NASP: variants seen among roughly 807,000 people sequenced by gnomAD.
NASP encodes the protein NASP histone chaperone.
NASP carries 24 observed loss-of-function variants against 89.5 expected under a neutral mutation model. The ratio of observed to expected loss-of-function variants is 0.27; its 90% CI spans 0.19 to 0.38. The LOEUF (loss-of-function observed/expected upper bound fraction) is 0.38, where lower values mean the gene tolerates loss of function less well. Among genes scored for constraint, NASP ranks in the 10% least tolerant of loss-of-function variants. NASP has a pLI of 1.00. For missense variants in NASP, 848 were observed against 921.4 expected (o/e 0.92, Z 1.03); for synonymous variants, 306 against 324.7 (o/e 0.94, Z 0.62).
Position 45,598,058 on chromosome 1 carries a change from A to G in NASP, c.108-4197A>G, listed in dbSNP as rs77714692. ...AGTTTTTCTCTACCATTCTACTAAA[A>G]TAGTCTTGTTTATGGTCTTTAGTAC... On this transcript the variant is annotated intron_variant, in intron 2 of 14. Transcript: ENST00000350030. Among the ~76,000 whole-genome samples the G allele has an allele frequency of 3.0e-3, 455 of 152,160 alleles. 3 individuals are homozygous for G. Among genetic ancestry groups the G allele is most frequent in the East Asian group, 0.022 (112 of 5,182 alleles).
intron 13 of NASP, 49 bp downstream of exon 13, chr1:45,616,752 T>G: frequency 6.5e-7 from 1 of 1,529,040 alleles, no homozygotes; most frequent in Non-Finnish European, 9.1e-7. Context: ...CAGACTCCAT[T>G]TTTAATCCCT....
Position 45,585,474 on chromosome 1 carries a change from A to G in NASP, c.59+1269A>G, listed in dbSNP as rs74803346. 5.6e-4 allele frequency among the ~76,000 whole-genome samples: 85 copies of G among 152,254 alleles called. No homozygotes were observed. The East Asian group carries it at 0.013, about 24-fold the overall frequency. On this transcript the variant is annotated intron_variant, in intron 1 of 14. Transcript: ENST00000350030. ...CAGTGGTTCTCAAGTCACCCTGAGAATCATTTGGGAACTCATGGGAAATAC... is the reference window on the plus strand; with the variant it reads ...CAGTGGTTCTCAAGTCACCCTGAGAGTCATTTGGGAACTCATGGGAAATAC...
chr1:45,613,240 G>C lies in NASP; in HGVS notation c.1498G>C (p.Glu500Gln), dbSNP rs756421064. The change falls in exon 7 of 15, where the codon GAA becomes CAA. Residue 500 changes from glutamate to glutamine, a missense_variant. Physicochemically the swap from Glu to Gln is conservative, Grantham distance 29. This residue lies in a region of NASP where 464 missense variants were observed against 469.4 expected (regional missense o/e 0.99). Coordinates refer to ENST00000350030, the MANE Select transcript of NASP (RefSeq NM_002482.4). ...AGAAATGCCAAATGATTCAGTCCTTGAAAACAAGGTATGTTGTTAGCCACT... is the reference window on the plus strand; with the variant it reads ...AGAAATGCCAAATGATTCAGTCCTTCAAAACAAGGTATGTTGTTAGCCACT... Reference protein sequence around the residue: ...TEEMPNDSVLENKSLQENEEE... With the variant: ...TEEMPNDSVLQNKSLQENEEE... 9.6e-5 allele frequency: 154 copies of C among 1,610,586 alleles called. No individual in the cohort carries two copies. Among genetic ancestry groups the C allele is most frequent in the Non-Finnish European group, 1.3e-4 (151 of 1,178,370 alleles).
intron 2 of NASP, among the ~76,000 whole-genome samples, chr1:45,599,036 T>C (rs1039248812): frequency 6.6e-6 from 1 of 152,196 alleles, no homozygotes; most frequent in Admixed American, 6.5e-5. Context: ...ATATTCAGAA[T>C]CTAACCCTCT....
chr1:45,617,812 A>T (rs555736633), intron 14 of NASP, among the ~76,000 whole-genome samples: 1 of 152,334 alleles, frequency 6.6e-6, no homozygotes, highest in African/African-American at 2.4e-5. Context: ...TCCCTCGATG[A>T]ATATATGAGA....
At chr1:45,607,253 G>T in intron 5 of NASP, 68 bp from the exon 6 acceptor site, 1 of 1,496,688 alleles carries the variant, frequency 6.7e-7, no homozygotes, top group Admixed American at 2.0e-5. Flanking sequence ...TGTATTTTTA[G>T]TTTCCATTTA....
At chr1:45,597,493 C>G (rs553961577) in intron 2 of NASP, among the ~76,000 whole-genome samples, 1 of 152,116 alleles carries the variant, frequency 6.6e-6, no homozygotes, top group African/African-American at 2.4e-5. Flanking sequence ...AAATCCTGTT[C>G]TCTTCTACTA....
At chr1:45,598,701 A>T (rs1643758902) in intron 2 of NASP, among the ~76,000 whole-genome samples, 2 of 152,324 alleles carry the variant, frequency 1.3e-5, no homozygotes, top group Middle Eastern at 3.4e-3. Context: ...TAAATACTGT[A>T]CAGTAATTGA....
At chr1:45,599,595 C>T (rs1459722585) in intron 2 of NASP, among the ~76,000 whole-genome samples, 4 of 151,832 alleles carry the variant, frequency 2.6e-5, no homozygotes, top group Non-Finnish European at 5.9e-5. Context: ...GCCCGGCTAA[C>T]TTTTGTATTT....
intron 4 of NASP, chr1:45,605,797 A>C (rs1181493798): frequency 1.5e-5 from 2 of 133,588 alleles, no homozygotes; most frequent in African/African-American, 5.9e-5. Context: ...TTTTTTTAAG[A>C]CGGAGTTTCA....
At chr1:45,597,092 TGAGGTCA>T (rs1317491367) in intron 2 of NASP, among the ~76,000 whole-genome samples, 1 of 152,150 alleles carries the variant, frequency 6.6e-6, no homozygotes, top group African/African-American at 2.4e-5. Context: ...GCGGATCACT[TGAGGTCA>T]GGAGTTTGAG....
In NASP at chr1:45,599,801, T is replaced by A. The variant is rs1018115305; in HGVS notation, c.108-2454T>A. ...CTTAAAGTCTATACTAATGTGATGCTGCTCTCTCCCTCTTCCTCACCTTTA... is the reference window on the plus strand; with the variant it reads ...CTTAAAGTCTATACTAATGTGATGCAGCTCTCTCCCTCTTCCTCACCTTTA... On this transcript the variant is annotated intron_variant, in intron 2 of 14. Transcript: ENST00000350030. 2.6e-5 allele frequency among the ~76,000 whole-genome samples: 4 copies of A among 152,330 alleles called. No individual in the cohort carries two copies. In the South Asian group the frequency reaches 6.2e-4, roughly 24 times the overall value.
intron 2 of NASP, among the ~76,000 whole-genome samples, chr1:45,599,615 A>G (rs1018213733): frequency 3.3e-5 from 5 of 150,998 alleles, no homozygotes; most frequent in African/African-American, 1.2e-4. Flanking sequence ...TTCAGAAGAG[A>G]GGGGGGTTTC....
At chr1:45,612,939 T>G in intron 6 of NASP, 1 of 405,474 alleles carries the variant, frequency 2.5e-6, no homozygotes, top group Non-Finnish European at 4.1e-6. Flanking sequence ...CACTCAGCCT[T>G]TTAATTGCTG....
At chr1:45,614,959 G>C in intron 9 of NASP, 54 bp from the exon 10 acceptor site, 1 of 1,477,388 alleles carries the variant, frequency 6.8e-7, no homozygotes, top group South Asian at 1.3e-5. Flanking sequence ...AATTCTGGAA[G>C]TATTTTATGT....
At chr1:45,602,862 G>A (rs945288099) in intron 3 of NASP, among the ~76,000 whole-genome samples, 3 of 152,136 alleles carry the variant, frequency 2.0e-5, no homozygotes, top group African/African-American at 7.2e-5. Context: ...GGGCTTAAGC[G>A]ATTCGTCCAC....
chr1:45,618,378 A>G lies in NASP; in HGVS notation c.*237A>G, dbSNP rs982400816. 1.0e-5 allele frequency: 4 copies of G among 392,780 alleles called. No homozygotes were observed. The highest frequency in any genetic ancestry group is 1.9e-5 in the Non-Finnish European group (4 of 207,452). 24.3% of individuals were successfully genotyped at this position (392,780 alleles called of 1,614,324 possible). A position where few individuals can be genotyped will look rare whatever the true frequency, so the allele number is the denominator to read the frequency against. ...ATCTGTGTTCCTGATCCTAATTCCT[A>G]TCTGTCTAACGTGGAGGTGATCAAG... is the stretch of plus-strand genomic sequence containing the variant. On this transcript the variant is annotated 3_prime_UTR_variant, in exon 15 of 15. Transcript: ENST00000350030.
chr1:45,587,947 C>CA (rs34896367), intron 1 of NASP, among the ~76,000 whole-genome samples: 119 of 141,804 alleles, frequency 8.4e-4, no homozygotes, highest in Middle Eastern at 3.6e-3. Flanking sequence ...GACTCCATCT[C>CA]AAAAAAAAAA....
chr1:45,615,545 TTCA>T, intron 11 of NASP, 74 bp downstream of exon 11: 1 of 1,433,974 alleles, frequency 7.0e-7, no homozygotes, highest in Non-Finnish European at 9.5e-7. Context: ...CCAGGAACTT[TTCA>T]TCATGACTTG....
Sources: gnomAD v4.1 joint callset for allele counts (sites outside exome capture counted in the v4.1 genomes callset) on GRCh38, gnomAD v4.1.1 for gene constraint, gnomAD v4.1.1 regional missense constraint, MANE v1.5 for transcripts, NCBI Gene and HGNC (gene_info 2026-07-23, HGNC 2026-07-21) for gene names.